Variants in SLITRK1 observed in about 807,000 individuals in gnomAD.
SLITRK1 encodes SLIT and NTRK like family member 1.
A neutral mutation model predicts 42.4 loss-of-function variants in SLITRK1; 10 were observed. The observed-to-expected ratio is 0.24, with a 90% confidence interval of 0.15 to 0.40. SLITRK1 has a LOEUF of 0.40. SLITRK1 is among the 10% of genes least tolerant of loss of function. SLITRK1 has a pLI of 1.00. For missense variants in SLITRK1, 778 were observed against 848.8 expected (o/e 0.92, Z 1.04); for synonymous variants, 389 against 365.7 (o/e 1.06, Z -0.73).
In SLITRK1 at chr13:83,879,552, T is replaced by C. The variant is rs1884762857; in HGVS notation, c.1956A>G (p.Arg652=). 2.5e-6 allele frequency: 4 copies of C among 1,614,004 alleles called. No homozygotes were observed. Among genetic ancestry groups the C allele is most frequent in the Non-Finnish European group, 3.4e-6 (4 of 1,180,004 alleles). The change falls in exon 2 of 2, where the codon CGA becomes CGG. Residue 652 remains arginine, a synonymous_variant. Coordinates refer to ENST00000674365, the MANE Select transcript of SLITRK1 (RefSeq NM_001281503.2). Reference sequence around the variant, plus strand: ...TCTCGGACGCGGAGGAGTTGGCATCTCGTCTCTTGGACCGCTTTCGGTTCC... The same window carrying C: ...TCTCGGACGCGGAGGAGTTGGCATCCCGTCTCTTGGACCGCTTTCGGTTCC... The part of the protein sequence containing the change: ...ILRNRKRSKR[R]DANSSASEIN...
intron 1 of SLITRK1, chr13:83,881,774 A>G: frequency 2.4e-6 from 1 of 415,694 alleles, no homozygotes; most frequent in South Asian, 4.3e-5. Flanking sequence ...AAAAAAAAGT[A>G]GGAAAAAAAC....
In SLITRK1 at chr13:83,879,553, C is replaced by T. The variant is rs372988290; in HGVS notation, c.1955G>A (p.Arg652Gln). ...CTCGGACGCGGAGGAGTTGGCATCT[C>T]GTCTCTTGGACCGCTTTCGGTTCCT... ...ILRNRKRSKR[R>Q]DANSSASEIN... The change falls in exon 2 of 2, where the codon CGA becomes CAA. Residue 652 changes from arginine to glutamine, a missense_variant. Coordinates refer to ENST00000674365, the MANE Select transcript of SLITRK1 (RefSeq NM_001281503.2). The T allele has an allele frequency of 8.7e-6, 14 of 1,614,048 alleles. No homozygotes were observed. Among genetic ancestry groups the T allele is most frequent in the Non-Finnish European group, 1.1e-5 (13 of 1,180,006 alleles).
intron 1 of SLITRK1, 189 bp from the exon 2 acceptor site, chr13:83,881,749 A>AAC (rs1884819751): frequency 1.2e-5 from 4 of 331,188 alleles, no homozygotes; most frequent in East Asian, 1.1e-4. Flanking sequence ...AAGGCAAGCA[A>AAC]AGAAAAAAAA....
Position 83,879,762 on chromosome 13 carries a change from G to T in SLITRK1, c.1746C>A (p.Tyr582Ter), listed in dbSNP as rs779994225. ...AAGTTAACGTGGGCGAGATCCTAGC[G>T]TACAGCTGAGGGCAGATCTCGTCAT... ...LSNDEICPQL[Y>*]ARISPTLTSH... Residue 582 changes from tyrosine (Y) to a stop codon, truncating the protein, a stop_gained, in exon 2 of 2, where the codon TAC becomes TAA. Coordinates refer to ENST00000674365, the MANE Select transcript of SLITRK1 (RefSeq NM_001281503.2). LOFTEE classifies it high-confidence loss of function. 1 of 1,613,978 alleles carries T rather than the reference G, an allele frequency of 6.2e-7. No individual in the cohort carries two copies. Among genetic ancestry groups the T allele is most frequent in the Admixed American group, 1.7e-5 (1 of 60,012 alleles).
rs1030730901 is a variant in SLITRK1, at chr13:83,879,207, C to G, written c.*210G>C. The G allele has an allele frequency of 3.3e-6, 2 of 614,928 alleles. No homozygotes were observed. The highest frequency in any genetic ancestry group is 1.8e-5 in the African/African-American group (1 of 54,396). 38.1% of individuals were successfully genotyped at this position (614,928 alleles called of 1,614,324 possible). A position where few individuals can be genotyped will look rare whatever the true frequency, so the allele number is the denominator to read the frequency against. On this transcript the variant is annotated 3_prime_UTR_variant, in exon 2 of 2. Coordinates refer to ENST00000674365, the MANE Select transcript of SLITRK1 (RefSeq NM_001281503.2). Reference sequence around the variant, plus strand: ...GAGCGAGCTGGCTGCGCTCTCCCAGCTCTCCACAGTCTGCTCTTTGTTTCA... The same window carrying G: ...GAGCGAGCTGGCTGCGCTCTCCCAGGTCTCCACAGTCTGCTCTTTGTTTCA...
In SLITRK1 at chr13:83,879,736, G is replaced by A. The variant is rs980801094; in HGVS notation, c.1772C>T (p.Ser591Leu). ...CAACCCAGTGCTGTTTTTACTGTGC[G>A]AAGTTAACGTGGGCGAGATCCTAGC... ...LYARISPTLTSHSKNSTGLAE... is the reference protein window; with the variant it reads ...LYARISPTLTLHSKNSTGLAE... The change falls in exon 2 of 2, where the codon TCG becomes TTG. Residue 591 changes from serine to leucine, a missense_variant. Ser to Leu is a moderately radical substitution (Grantham distance 145). Transcript: ENST00000674365. The A allele has an allele frequency of 4.3e-6, 7 of 1,613,900 alleles. No individual in the cohort carries two copies. The African/African-American group carries it at 6.7e-5, about 15-fold the overall frequency.
At chr13:83,881,745 AG>A in intron 1 of SLITRK1, 185 bp from the exon 2 acceptor site, 1 of 274,868 alleles carries the variant, frequency 3.6e-6, no homozygotes, top group Non-Finnish European at 6.9e-6. Context: ...GTGCAAGGCA[AG>A]CAAAGAAAAA....
rs753070860 is a variant in SLITRK1 at position 83,880,286 on chromosome 13, T to C, written c.1222A>G (p.Asn408Asp). The change falls in exon 2 of 2, where the codon AAC (asparagine) becomes GAC (aspartate). Residue 408 changes from asparagine (N) to aspartate (D), a missense_variant. Physicochemically the swap from Asn to Asp is conservative, Grantham distance 23. Around this residue, in one of 4 missense-constraint regions of SLITRK1, gnomAD observed 395 missense variants for 360.4 expected, o/e 1.10. Coordinates refer to ENST00000674365, the MANE Select transcript of SLITRK1 (RefSeq NM_001281503.2). ...YKNLILLDLG[N>D]NNIATVENNT... Reference sequence around the variant, plus strand: ...TTCTCTACAGTAGCGATGTTATTGTTGCCCAGATCCAACAGAATGAGGTTC... The same window carrying C: ...TTCTCTACAGTAGCGATGTTATTGTCGCCCAGATCCAACAGAATGAGGTTC... The C allele has an allele frequency of 1.2e-6, 2 of 1,613,946 alleles. No homozygotes were observed. The highest frequency in any genetic ancestry group is 1.7e-6 in the Non-Finnish European group (2 of 1,180,032).
Position 83,881,354 on chromosome 13 carries a change from G to T in SLITRK1, c.154C>A (p.Arg52Ser), listed in dbSNP as rs751290156. ...AACTGGGAAGTCGGGGCAGTGAAAC[G>T]CTGCAGACTTGTGAAGCCCTTTTTT... ...CEKKGFTSLQ[R>S]FTAPTSQFYH... The change falls in exon 2 of 2, where the codon CGT (arginine) becomes AGT (serine). Residue 52 changes from arginine to serine, a missense_variant. Around this residue, in one of 4 missense-constraint regions of SLITRK1, gnomAD observed 204 missense variants for 295.3 expected, o/e 0.69. Coordinates refer to ENST00000674365, the MANE Select transcript of SLITRK1 (RefSeq NM_001281503.2). 3.7e-6 allele frequency: 6 copies of T among 1,614,136 alleles called. No individual in the cohort carries two copies. In the East Asian group the frequency reaches 1.3e-4, roughly 36 times the overall value.
intron 1 of SLITRK1, 187 bp from the exon 2 acceptor site, chr13:83,881,747 CAAAG>C: frequency 1.5e-5 from 1 of 67,424 alleles, no homozygotes; most frequent in Non-Finnish European, 2.8e-5. Context: ...GCAAGGCAAG[CAAAG>C]AAAAAAAAAA....
rs1485844989 is a variant in SLITRK1 at position 83,879,037 on chromosome 13, T to G, written c.*380A>C. The stretch of plus-strand genomic sequence containing the variant: ...TCCACAGGGGAAAAATAGATATCTA[T>G]CTCTCTATATAGATGTGGATATATG... On this transcript the variant is annotated 3_prime_UTR_variant, in exon 2 of 2. Transcript: ENST00000674365. The G allele has an allele frequency of 9.6e-6, 2 of 208,514 alleles. No individual in the cohort carries two copies. Among genetic ancestry groups the G allele is most frequent in the Non-Finnish European group, 2.0e-5 (2 of 101,998 alleles). The allele number at this position is 208,514 out of a possible 1,614,324, so 12.9% of individuals were successfully genotyped here. A position where few individuals can be genotyped will look rare whatever the true frequency, so the allele number is the denominator to read the frequency against.
In SLITRK1 at chr13:83,879,513, C is replaced by T. The variant is rs374724052; in HGVS notation, c.1995G>A (p.Gln665=). The change falls in exon 2 of 2, where the codon CAG becomes CAA. Residue 665 remains glutamine, a synonymous_variant. Coordinates refer to ENST00000674365, the MANE Select transcript of SLITRK1 (RefSeq NM_001281503.2). ...NSSASEINSL[Q]TVCDSSYWHN... is the part of the protein sequence containing the mutation. ...GCCAGTAGGAAGAGTCACAGACTGTCTGTAGGGAATTAATCTCGGACGCGG... is the reference window on the plus strand; with the variant it reads ...GCCAGTAGGAAGAGTCACAGACTGTTTGTAGGGAATTAATCTCGGACGCGG... 1 of 1,614,084 alleles carries T rather than the reference C, an allele frequency of 6.2e-7. No individual in the cohort carries two copies. Among genetic ancestry groups the T allele is most frequent in the African/African-American group, 1.3e-5 (1 of 75,048 alleles).
In SLITRK1 at chr13:83,879,369, G is replaced by C. The variant is rs779983456; in HGVS notation, c.*48C>G. 1.2e-6 allele frequency: 2 copies of C among 1,606,708 alleles called. No homozygotes were observed. Among genetic ancestry groups the C allele is most frequent in the East Asian group, 4.5e-5 (2 of 44,840 alleles). ...CAGCCCCCGGGGTGCCTGCGGTGGG[G>C]AAGGATGTATCGCCTTCCCTCTGCC... On this transcript the variant is annotated 3_prime_UTR_variant, in exon 2 of 2. Transcript: ENST00000674365.
Position 83,881,495 on chromosome 13 carries a change from T to C in SLITRK1, c.13A>G (p.Ile5Val). 1.2e-6 allele frequency: 2 copies of C among 1,613,844 alleles called. No individual in the cohort carries two copies. The highest frequency in any genetic ancestry group is 2.2e-5 in the East Asian group (1 of 44,830). Residue 5 changes from isoleucine (I) to valine (V), a missense_variant, in exon 2 of 2, where the codon ATT becomes GTT. Around this residue, in one of 4 missense-constraint regions of SLITRK1, gnomAD observed 204 missense variants for 295.3 expected, o/e 0.69. Coordinates refer to ENST00000674365, the MANE Select transcript of SLITRK1 (RefSeq NM_001281503.2). ...CAAAGAGACGTCTCCAGCAACAGAATCCAAAGCAGCATTTTTAAAGCGAGC... is the reference window on the plus strand; with the variant it reads ...CAAAGAGACGTCTCCAGCAACAGAACCCAAAGCAGCATTTTTAAAGCGAGC... MLLW[I>V]LLLETSLCFA...
At position 83,879,473 on chromosome 13, in the gene SLITRK1, T is replaced by C; in HGVS notation, c.2035A>G (p.Asn679Asp). The stretch of plus-strand genomic sequence containing the variant: ...TACACTCTGTGGGCCCCATCTGCGT[T>C]GTAAGGCCCATTGTGCCAGTAGGAA... ...DSSYWHNGPYNADGAHRVYDC... is the reference protein window; with the variant it reads ...DSSYWHNGPYDADGAHRVYDC... The change falls in exon 2 of 2, where the codon AAC (asparagine) becomes GAC (aspartate). Residue 679 changes from asparagine to aspartate, a missense_variant. Physicochemically the swap from Asn to Asp is conservative, Grantham distance 23. This residue lies in a region of SLITRK1 where 164 missense variants were observed against 158.2 expected (regional missense o/e 1.04). Transcript: ENST00000674365. 1 of 1,613,982 alleles carries C rather than the reference T, an allele frequency of 6.2e-7. No individual in the cohort carries two copies. The highest frequency in any genetic ancestry group is 1.1e-5 in the South Asian group (1 of 91,068).
In SLITRK1 at chr13:83,879,800, T is replaced by G. The variant is rs751662784; in HGVS notation, c.1708A>C (p.Met570Leu). The G allele has an allele frequency of 6.8e-6, 11 of 1,613,928 alleles. No homozygotes were observed. Among genetic ancestry groups the G allele is most frequent in the Non-Finnish European group, 9.3e-6 (11 of 1,180,014 alleles). ...TPVNFFRKDF[M>L]LLSNDEICPQ... ...CAGATCTCGTCATTGGAGAGGAGCA[T>G]GAAATCCTTTCTAAAGAAGTTCACC... Residue 570 changes from methionine (M) to leucine (L), a missense_variant, in exon 2 of 2, where the codon ATG becomes CTG. Met to Leu is a conservative substitution (Grantham distance 15). Transcript: ENST00000674365.
chr13:83,881,062 G>A lies in SLITRK1; in HGVS notation c.446C>T (p.Ala149Val), dbSNP rs149163916. 12 of 1,613,808 alleles carry A rather than the reference G, an allele frequency of 7.4e-6. No individual in the cohort carries two copies. Among genetic ancestry groups the A allele is most frequent in the South Asian group, 1.1e-5 (1 of 91,056 alleles). The change falls in exon 2 of 2, where the codon GCC becomes GTC. Residue 149 changes from alanine to valine, a missense_variant. Ala to Val is a moderately conservative substitution (Grantham distance 64, BLOSUM62 0). Transcript: ENST00000674365. ...FNLLRDIDPG[A>V]FQDLNKLEVL... The stretch of plus-strand genomic sequence containing the variant: ...CTCCAGCTTGTTCAAGTCCTGGAAG[G>A]CCCCCGGGTCTATATCTCGTAATAA...
At position 83,878,149 on chromosome 13, in the gene SLITRK1, C is replaced by G. The variant is rs1884729416; in HGVS notation, c.*1268G>C. On this transcript the variant is annotated 3_prime_UTR_variant, in exon 2 of 2. Coordinates refer to ENST00000674365, the MANE Select transcript of SLITRK1 (RefSeq NM_001281503.2). ...GCCTTAATGTAGCTCAGGAAGGGAT[C>G]TAACCCCAACCGTTTCCCTCCCCTG... is the stretch of plus-strand genomic sequence containing the variant. 6.6e-6 allele frequency: 1 copy of G among 152,402 alleles called. No individual in the cohort carries two copies. The highest frequency in any genetic ancestry group is 1.5e-5 in the Non-Finnish European group (1 of 68,058). 9.4% of individuals were successfully genotyped at this position (152,402 alleles called of 1,614,324 possible).
At position 83,878,311 on chromosome 13, in the gene SLITRK1, T is replaced by A. The variant is rs1192242094; in HGVS notation, c.*1106A>T. ...AAATCCTCGAATAGAATTAGTAAGT[T>A]TCACGTGCTTCCTCGGTTCTCTTTT... On this transcript the variant is annotated 3_prime_UTR_variant, in exon 2 of 2. Coordinates refer to ENST00000674365, the MANE Select transcript of SLITRK1 (RefSeq NM_001281503.2). 1 of 152,596 alleles carries A rather than the reference T, an allele frequency of 6.6e-6. No homozygotes were observed. Among genetic ancestry groups the A allele is most frequent in the Non-Finnish European group, 1.5e-5 (1 of 68,046 alleles). 9.5% of individuals were successfully genotyped at this position (152,596 alleles called of 1,614,324 possible).
Sources: allele counts gnomAD v4.1 joint callset, GRCh38; gene constraint gnomAD v4.1.1; regional missense constraint gnomAD v4.1.1; transcripts MANE v1.5; gene names NCBI Gene and HGNC (gene_info 2026-07-23, HGNC 2026-07-21).